The following PTPN11 variants were observed in gnomAD, a reference collection of about 807,000 sequenced individuals.
PTPN11 encodes the protein tyrosine-protein phosphatase non-receptor type 11.
Under a neutral mutation model 78.8 loss-of-function variants are expected in PTPN11, and 6 were observed. The observed-to-expected ratio is 0.08, with a 90% CI of 0.04 to 0.15. The LOEUF is 0.15. PTPN11 is among the 10% of genes least tolerant of loss of function. PTPN11 has a pLI of 1.00. For synonymous variants in PTPN11, 221 were observed against 263.5 expected (o/e 0.84, Z 1.56); for missense variants, 386 against 744.8 (o/e 0.52, Z 5.61).
At chr12:112,489,278 T>C in intron 13 of PTPN11, 103 bp downstream of exon 13, 1 of 1,393,972 alleles carries the variant, frequency 7.2e-7, no homozygotes, top group Non-Finnish European at 1.0e-6. Context: ...GACAACTGTT[T>C]GATTTCGGAA....
intron 6 of PTPN11, among the ~76,000 whole-genome samples, chr12:112,466,637 C>T (rs1592838997): frequency 6.6e-6 from 1 of 152,160 alleles, no homozygotes; most frequent in East Asian, 1.9e-4. Context: ...CAGGTGTGAG[C>T]CATGGCCCCC....
chr12:112,452,526 G>A (rs953557702), intron 3 of PTPN11, among the ~76,000 whole-genome samples: 6 of 150,248 alleles, frequency 4.0e-5, no homozygotes, highest in African/African-American at 1.2e-4. Flanking sequence ...ACGTCCGGCC[G>A]ACTTTTATTT....
At chr12:112,423,358 T>G (rs959837718) in intron 1 of PTPN11, among the ~76,000 whole-genome samples, 2 of 152,088 alleles carry the variant, frequency 1.3e-5, no homozygotes, top group Non-Finnish European at 2.9e-5. Context: ...CAATATTGGC[T>G]CACTGCAACC....
In PTPN11 at chr12:112,506,913, G is replaced by T; in HGVS notation, c.*1121G>T. 4.8e-6 allele frequency: 1 copy of T among 209,998 alleles called. No homozygotes were observed. The highest frequency in any genetic ancestry group is 8.4e-5 in the South Asian group (1 of 11,922). The allele number at this position is 209,998 out of a possible 1,614,324, so 13.0% of individuals were successfully genotyped here. ...CAGGCCTTCTGAAAACTTAAGTCCA[G>T]AATTGTCACAGTGTCCCTTCTACTT... On this transcript the variant is annotated 3_prime_UTR_variant, in exon 16 of 16. Coordinates refer to ENST00000351677, the MANE Select transcript of PTPN11 (RefSeq NM_002834.5).
intron 12 of PTPN11, 79 bp downstream of exon 12, chr12:112,488,589 G>A (rs2038708376): frequency 2.1e-6 from 3 of 1,410,512 alleles, no homozygotes; most frequent in Admixed American, 1.7e-5. Context: ...AACAGTCTGG[G>A]GAAGAGAGGT....
intron 13 of PTPN11, among the ~76,000 whole-genome samples, chr12:112,500,847 C>T (rs1247427426): frequency 2.6e-5 from 4 of 152,214 alleles, no homozygotes; most frequent in African/African-American, 9.7e-5. Context: ...CTGCTTTGGC[C>T]TCCCAAAGTG....
chr12:112,425,036 G>T (rs1414476799), intron 1 of PTPN11, among the ~76,000 whole-genome samples: 9 of 148,776 alleles, frequency 6.0e-5, no homozygotes, highest in African/African-American at 2.0e-4. Flanking sequence ...TTGCCATGTT[G>T]CCCAGGCTGG....
chr12:112,442,910 A>ATTG (rs2037931154), intron 1 of PTPN11, among the ~76,000 whole-genome samples: 2 of 135,316 alleles, frequency 1.5e-5, no homozygotes, highest in African/African-American at 2.7e-5. Context: ...ATATGTATGT[A>ATTG]TATGTATGTA....
At chr12:112,497,234 C>T (rs1298303049) in intron 13 of PTPN11, among the ~76,000 whole-genome samples, 1 of 151,362 alleles carries the variant, frequency 6.6e-6, no homozygotes, top group Admixed American at 6.6e-5. Context: ...TGGGATTGCA[C>T]AGGCTGAATC....
At chr12:112,443,072 T>C (rs1340705283) in intron 1 of PTPN11, among the ~76,000 whole-genome samples, 1 of 151,086 alleles carries the variant, frequency 6.6e-6, no homozygotes, top group African/African-American at 2.4e-5. Context: ...TCAGTGTGTA[T>C]TTCTTAAATA....
intron 7 of PTPN11, among the ~76,000 whole-genome samples, chr12:112,475,877 A>C (rs1473425372): frequency 6.6e-6 from 1 of 152,222 alleles, no homozygotes; most frequent in Non-Finnish European, 1.5e-5. Context: ...AATACTGAGA[A>C]AAGGCAGTGA....
chr12:112,449,711 G>C (rs528663652), intron 2 of PTPN11, among the ~76,000 whole-genome samples: 1 of 152,150 alleles, frequency 6.6e-6, no homozygotes, highest in Non-Finnish European at 1.5e-5. Context: ...TGTTTTGGTA[G>C]CTATACAGTT....
chr12:112,493,216 A>T (rs987250828), intron 13 of PTPN11, among the ~76,000 whole-genome samples: 3 of 151,640 alleles, frequency 2.0e-5, no homozygotes, highest in Admixed American at 6.6e-5. Context: ...CCACCATCAC[A>T]CCCGGCTAAT....
intron 4 of PTPN11, among the ~76,000 whole-genome samples, chr12:112,453,657 T>TG (rs201433672): frequency 1.3e-5 from 2 of 151,642 alleles, no homozygotes; most frequent in Non-Finnish European, 2.9e-5. Context: ...TTTTTTTTTT[T>TG]TTTTTGTTTT....
intron 6 of PTPN11, among the ~76,000 whole-genome samples, chr12:112,456,382 A>C (rs950130255): frequency 1.3e-5 from 2 of 151,988 alleles, no homozygotes; most frequent in Non-Finnish European, 2.9e-5. Flanking sequence ...TCCAGCATGC[A>C]CTGGGGTCTT....
chr12:112,446,378 A>C lies in PTPN11; in HGVS notation c.117A>C (p.Gly39=), dbSNP rs779813529. The stretch of plus-strand genomic sequence containing the variant: ...CAAGGCCTAGTAAAAGTAACCCTGG[A>C]GACTTCACACTTTCCGTTAGGTAAG... ...FLARPSKSNP[G]DFTLSVRRNG... Residue 39 remains glycine (G), a synonymous_variant, in exon 2 of 16, where the codon GGA becomes GGC. Transcript: ENST00000351677. 1 of 1,614,094 alleles carries C rather than the reference A, an allele frequency of 6.2e-7. No homozygotes were observed. Among genetic ancestry groups the C allele is most frequent in the South Asian group, 1.1e-5 (1 of 91,072 alleles).
intron 13 of PTPN11, among the ~76,000 whole-genome samples, chr12:112,499,419 G>A (rs745431340): frequency 1.3e-5 from 2 of 151,748 alleles, no homozygotes; most frequent in Non-Finnish European, 2.9e-5. Flanking sequence ...GGCTCACTGC[G>A]ACCTCTATCT....
chr12:112,455,350 C>T (rs2038144029), intron 5 of PTPN11, among the ~76,000 whole-genome samples: 1 of 151,376 alleles, frequency 6.6e-6, no homozygotes, highest in Non-Finnish European at 1.5e-5. Flanking sequence ...CTTCTCCTGC[C>T]TCAGCCTCCT....
rs939512839 is a variant in PTPN11, at chr12:112,509,579, A to G, written c.*3787A>G. 1.3e-5 allele frequency: 2 copies of G among 152,696 alleles called. No homozygotes were observed. Among genetic ancestry groups the G allele is most frequent in the Non-Finnish European group, 2.9e-5 (2 of 68,048 alleles). The allele number at this position is 152,696 out of a possible 1,614,324, so 9.5% of individuals were successfully genotyped here. A position where few individuals can be genotyped will look rare whatever the true frequency, so the allele number is the denominator to read the frequency against. ...TTTATTGATAAATCTATCCTTTAAA[A>G]GGAATACGTTTTAGGATGTCATCAT... On this transcript the variant is annotated 3_prime_UTR_variant, in exon 16 of 16. Coordinates refer to ENST00000351677, the MANE Select transcript of PTPN11 (RefSeq NM_002834.5).
Sources: gnomAD v4.1 joint callset for allele counts (sites outside exome capture counted in the v4.1 genomes callset) on GRCh38, gnomAD v4.1.1 for gene constraint, MANE v1.5 for transcripts, NCBI Gene and HGNC (gene_info 2026-07-23, HGNC 2026-07-21) for gene names.